FAM167A: variants seen among roughly 807,000 people sequenced by gnomAD.
FAM167A encodes family with sequence similarity 167 member A.
FAM167A carries 23 observed loss-of-function variants against 14.9 expected under a neutral mutation model. The observed-to-expected ratio is 1.55, with a 90% CI of 1.11 to 2.19. The LOEUF is 2.19. Among genes scored for constraint, FAM167A ranks in the 30% most tolerant of loss-of-function variants. The probability of loss-of-function intolerance (pLI) is 0.00; values close to 1 mark genes in which losing one functional copy is unlikely to be tolerated. For missense variants in FAM167A, 401 were observed against 281.5 expected, an observed-to-expected ratio of 1.42 and a Z score of -3.04; for synonymous variants, 174 against 117.7, an observed-to-expected ratio of 1.48 and a Z score of -3.10.
At chr8:11,456,468 G>C (rs1313638656) in intron 1 of FAM167A, among the ~76,000 whole-genome samples, 2 of 135,414 alleles carry the variant, frequency 1.5e-5, no homozygotes, top group Non-Finnish European at 3.2e-5. Context: ...CTGTATGTGT[G>C]AGTGCTTGGG....
intron 1 of FAM167A, among the ~76,000 whole-genome samples, chr8:11,465,064 G>A (rs1208016189): frequency 6.6e-6 from 1 of 152,188 alleles, no homozygotes; most frequent in Non-Finnish European, 1.5e-5. Context: ...GTGTGGGGGA[G>A]CAACCCTTTC....
intron 2 of FAM167A, among the ~76,000 whole-genome samples, chr8:11,439,504 G>A (rs1013310126): frequency 1.2e-4 from 19 of 152,250 alleles, no homozygotes; most frequent in African/African-American, 4.1e-4. Flanking sequence ...GGGGCCAGCT[G>A]AGTTTAGGTC....
intron 1 of FAM167A, among the ~76,000 whole-genome samples, chr8:11,456,981 GATGTA>G (rs1807345173): frequency 2.8e-5 from 1 of 36,076 alleles, no homozygotes; most frequent in African/African-American, 8.4e-5. Context: ...CTGGGTTAGG[GATGTA>G]GGTGGGGCTG....
At chr8:11,434,736 C>T (rs926982208) in intron 2 of FAM167A, 1 of 261,068 alleles carries the variant, frequency 3.8e-6, no homozygotes, top group East Asian at 1.1e-4. Flanking sequence ...GGTTCCAGTC[C>T]TAGTGCAGCC....
intron 1 of FAM167A, among the ~76,000 whole-genome samples, chr8:11,456,665 G>C (rs1200596595): frequency 1.3e-5 from 2 of 151,800 alleles, no homozygotes; most frequent in Non-Finnish European, 2.9e-5. Context: ...TGTGCTCTGG[G>C]TATGGCTAGG....
intron 2 of FAM167A, among the ~76,000 whole-genome samples, chr8:11,441,831 C>A (rs2117074202): frequency 6.6e-6 from 1 of 152,302 alleles, no homozygotes; most frequent in East Asian, 1.9e-4. Flanking sequence ...CTGCCCCCAC[C>A]CCCATGCATT....
At chr8:11,427,182 G>A (rs1016850347) in intron 2 of FAM167A, among the ~76,000 whole-genome samples, 1 of 152,182 alleles carries the variant, frequency 6.6e-6, no homozygotes, top group African/African-American at 2.4e-5. Flanking sequence ...GTCCTGAGAT[G>A]TATTTTCTGC....
At position 11,433,691 on chromosome 8, in the gene FAM167A, C is replaced by T. The variant is rs375838639; in HGVS notation, c.382-9055G>A. ...GTGGTGAAGGGCATTTTGTCTGGTCCCTTAAAGTCAGGCTCTTATCTCTCC... is the reference window on the plus strand; with the variant it reads ...GTGGTGAAGGGCATTTTGTCTGGTCTCTTAAAGTCAGGCTCTTATCTCTCC... On this transcript the variant is annotated intron_variant, in intron 2 of 2. Transcript: ENST00000284486. Among the ~76,000 whole-genome samples, 243 of 152,232 alleles carry T rather than the reference C, an allele frequency of 1.6e-3. 1 individual carries two copies. Among genetic ancestry groups the T allele is most frequent in the Non-Finnish European group, 2.7e-3 (184 of 68,010 alleles).
At chr8:11,475,338 C>G (rs1030051798) in intron 1 of FAM167A, among the ~76,000 whole-genome samples, 2 of 152,142 alleles carry the variant, frequency 1.3e-5, no homozygotes, top group African/African-American at 4.8e-5. Flanking sequence ...TAGAAGTTTT[C>G]CAAGAGGAAA....
rs1004311666 is a variant in FAM167A at position 11,444,567 on chromosome 8, G to T, written c.-156C>A. 5 of 1,454,036 alleles carry T rather than the reference G, an allele frequency of 3.4e-6. No individual in the cohort carries two copies. In the Admixed American group the frequency reaches 8.3e-5, roughly 24 times the overall value. 90.1% of individuals were successfully genotyped at this position (1,454,036 alleles called of 1,614,324 possible). A position where few individuals can be genotyped will look rare whatever the true frequency, so the allele number is the denominator to read the frequency against. ...AGCCGGCCTCAGAGGCTGGGTGGCA[G>T]GGGAGCTGAGAGGGACCGCGCAGTG... On this transcript the variant is annotated 5_prime_UTR_variant, in exon 2 of 3. In the 5' UTR this introduces an upstream ATG that the reference lacks. Transcript: ENST00000284486.
In FAM167A at chr8:11,474,792, T is replaced by G. The variant is rs111949339; in HGVS notation, c.-398+1074A>C. 797 of 128,362 alleles carry G rather than the reference T, an allele frequency of 6.2e-3. 6 individuals are homozygous for G. The highest frequency in any genetic ancestry group is 0.033 in the Middle Eastern group (12 of 368). 8.0% of individuals were successfully genotyped at this position (128,362 alleles called of 1,614,324 possible). A position where few individuals can be genotyped will look rare whatever the true frequency, so the allele number is the denominator to read the frequency against. On this transcript the variant is annotated intron_variant, in intron 1 of 1. Transcript: ENST00000648766. ...AGGCTTACGGGGAGGAGACAGGGAG[T>G]AGGAAGGAGAAAGGGAGAGGAAAAG...
intron 1 of FAM167A, among the ~76,000 whole-genome samples, chr8:11,450,396 T>C (rs1475017352): frequency 6.6e-6 from 1 of 152,206 alleles, no homozygotes; most frequent in African/African-American, 2.4e-5. Flanking sequence ...GCCCTATGAA[T>C]CTGGGGTATC....
intron 2 of FAM167A, among the ~76,000 whole-genome samples, chr8:11,437,753 A>G (rs1011364556): frequency 6.6e-6 from 1 of 152,204 alleles, no homozygotes; most frequent in African/African-American, 2.4e-5. Context: ...GTGTGCTGTT[A>G]TAATGGGGAG....
rs973468007 is a variant in FAM167A at position 11,422,549 on chromosome 8, A to C, written c.*1824T>G. On this transcript the variant is annotated 3_prime_UTR_variant, in exon 3 of 3. Transcript: ENST00000284486. ...CAGGCCTGCAGACTTCATTGCACAG[A>C]GCATGGCAGACAGTAGATCTTGGCT... 2 of 152,660 alleles carry C rather than the reference A, an allele frequency of 1.3e-5. No individual in the cohort carries two copies. The highest frequency in any genetic ancestry group is 4.8e-5 in the African/African-American group (2 of 41,446). The allele number at this position is 152,660 out of a possible 1,614,324, so 9.5% of individuals were successfully genotyped here. A position where few individuals can be genotyped will look rare whatever the true frequency, so the allele number is the denominator to read the frequency against.
intron 2 of FAM167A, among the ~76,000 whole-genome samples, chr8:11,440,376 G>C (rs1806363027): frequency 6.6e-6 from 1 of 152,204 alleles, no homozygotes; most frequent in Admixed American, 6.5e-5. Flanking sequence ...CTGATCCCTG[G>C]GGGGCGTCAG....
intron 2 of FAM167A, among the ~76,000 whole-genome samples, chr8:11,436,898 G>A (rs922163814): frequency 6.6e-6 from 1 of 152,222 alleles, no homozygotes; most frequent in Non-Finnish European, 1.5e-5. Flanking sequence ...CTGAGGACAG[G>A]ACATGAGCTG....
chr8:11,445,391 A>T, intron 1 of FAM167A: 5 of 985,690 alleles, frequency 5.1e-6, no homozygotes, highest in Non-Finnish European at 6.0e-6. Context: ...CTACGCTCCT[A>T]GCTTCTTCCT....
At chr8:11,455,820 C>T (rs931602076) in intron 1 of FAM167A, among the ~76,000 whole-genome samples, 7 of 138,236 alleles carry the variant, frequency 5.1e-5, no homozygotes, top group Non-Finnish European at 7.7e-5. Context: ...GGTTGCCTTG[C>T]TGTGTATGAG....
intron 1 of FAM167A, among the ~76,000 whole-genome samples, chr8:11,475,304 A>G (rs1797839317): frequency 2.0e-5 from 3 of 152,172 alleles, no homozygotes; most frequent in Admixed American, 6.5e-5. Context: ...GCATGCTCAC[A>G]GAGTTGAAGG....
Sources: gnomAD v4.1 joint callset for allele counts (sites outside exome capture counted in the v4.1 genomes callset) on GRCh38, gnomAD v4.1.1 for gene constraint, MANE v1.5 for transcripts, NCBI Gene and HGNC (gene_info 2026-07-23, HGNC 2026-07-21) for gene names.